The following MINDY4 variants were observed in gnomAD, a reference collection of about 807,000 sequenced individuals.
The protein encoded by MINDY4 is MINDY lysine 48 deubiquitinase 4.
In MINDY4, 68 loss-of-function variants were observed where a neutral mutation model predicts 87.0. The ratio of observed to expected loss-of-function variants is 0.78; its 90% CI spans 0.64 to 0.96. The LOEUF is 0.96. Ranked by LOEUF, MINDY4 falls within the 40% of genes least tolerant of loss-of-function variation. The pLI is 0.00. For missense variants in MINDY4, 919 were observed against 928.2 expected, an observed-to-expected ratio of 0.99 and a Z score of 0.13; for synonymous variants, 379 against 363.2, an observed-to-expected ratio of 1.04 and a Z score of -0.50.
chr7:30,826,186 C>A (rs1367857241), intron 5 of MINDY4, among the ~76,000 whole-genome samples: 1 of 152,224 alleles, frequency 6.6e-6, no homozygotes, highest in Non-Finnish European at 1.5e-5. Flanking sequence ...TTTGCAGAAT[C>A]TCTTTTGCCG....
Position 30,850,512 on chromosome 7 carries a change from A to G in MINDY4, c.1504A>G (p.Ile502Val), listed in dbSNP as rs538317906. The change falls in exon 10 of 18, where the codon ATT becomes GTT. Residue 502 changes from isoleucine (I) to valine (V), a missense_variant. Transcript: ENST00000265299. ...TRCLVLALAD[I>V]VWRAGGRERA... ...CTGCCTCGTCCTGGCCCTCGCAGAC[A>G]TTGTGTGGCGGGCAGGGGGCCGAGA... 6.3e-5 allele frequency: 102 copies of G among 1,612,190 alleles called. No homozygotes were observed. In the East Asian group the frequency reaches 1.9e-3, roughly 30 times the overall value.
intron 9 of MINDY4, among the ~76,000 whole-genome samples, chr7:30,844,645 G>A (rs542411498): frequency 3.9e-5 from 6 of 152,336 alleles, no homozygotes; most frequent in African/African-American, 1.4e-4. Context: ...CTGAAGGTCA[G>A]AGGCTACAGA....
intron 4 of MINDY4, 124 bp downstream of exon 4, chr7:30,786,116 G>C: frequency 7.5e-6 from 10 of 1,325,230 alleles, no homozygotes; most frequent in Non-Finnish European, 1.0e-5. Context: ...CTGTGTGTGG[G>C]GTGGGAAGAA....
chr7:30,802,673 A>T (rs1787691280), intron 5 of MINDY4, among the ~76,000 whole-genome samples: 1 of 152,232 alleles, frequency 6.6e-6, no homozygotes, highest in African/African-American at 2.4e-5. Context: ...CTTTCATATA[A>T]TTGAAACAAT....
intron 14 of MINDY4, among the ~76,000 whole-genome samples, chr7:30,872,542 G>C (rs3801326): frequency 0.21 from 32,338 of 152,200 alleles, 6,649 homozygotes; most frequent in African/African-American, 0.53. Context: ...GTGCACTGAT[G>C]TATGTGCTCA....
intron 5 of MINDY4, among the ~76,000 whole-genome samples, chr7:30,823,855 T>C (rs1232091108): frequency 6.6e-6 from 1 of 152,204 alleles, no homozygotes; most frequent in Non-Finnish European, 1.5e-5. Context: ...TTCTCTCTTC[T>C]AGGGAATCTT....
intron 13 of MINDY4, among the ~76,000 whole-genome samples, chr7:30,864,680 G>A (rs1789873816): frequency 6.6e-6 from 1 of 152,224 alleles, no homozygotes; most frequent in South Asian, 2.1e-4. Flanking sequence ...ACATATATAT[G>A]GACATGGGGT....
At chr7:30,836,826 A>G in intron 7 of MINDY4, 62 bp downstream of exon 7, 1 of 1,292,084 alleles carries the variant, frequency 7.7e-7, no homozygotes, top group Non-Finnish European at 1.1e-6. Flanking sequence ...AGATGGCGTG[A>G]TTTTGGTGTT....
rs371221478 is a variant in MINDY4, at chr7:30,875,495, G to A, written c.1810G>A (p.Glu604Lys). ...LIGAHGYCTQELVNLLLTGKA... is the reference protein window; with the variant it reads ...LIGAHGYCTQKLVNLLLTGKA... The stretch of plus-strand genomic sequence containing the variant: ...TCTTTCCCCTTTCTCTCATCTGCAG[G>A]AACTTGTCAATCTGCTCCTGACTGG... The change falls in exon 15 of 18, where the codon GAA becomes AAA. Residue 604 changes from glutamate to lysine, a missense_variant and splice_region_variant. Glu to Lys is a moderately conservative substitution (Grantham distance 56). Coordinates refer to ENST00000265299, the MANE Select transcript of MINDY4 (RefSeq NM_032222.3). The A allele has an allele frequency of 2.1e-5, 34 of 1,614,016 alleles. No individual in the cohort carries two copies. The highest frequency in any genetic ancestry group is 2.8e-5 in the Non-Finnish European group (33 of 1,180,030).
intron 5 of MINDY4, among the ~76,000 whole-genome samples, chr7:30,827,075 G>C (rs1055546986): frequency 6.6e-6 from 1 of 152,168 alleles, no homozygotes; most frequent in African/African-American, 2.4e-5. Flanking sequence ...AACCAGTTCG[G>C]AGCCTATTAA....
At chr7:30,868,021 G>A (rs1789992804) in intron 13 of MINDY4, among the ~76,000 whole-genome samples, 1 of 152,346 alleles carries the variant, frequency 6.6e-6, no homozygotes, top group Middle Eastern at 3.4e-3. Flanking sequence ...CCGAGTGGAC[G>A]CTGGTGTTAG....
chr7:30,793,381 T>G (rs990815433), intron 5 of MINDY4, among the ~76,000 whole-genome samples: 4 of 151,384 alleles, frequency 2.6e-5, no homozygotes, highest in African/African-American at 9.7e-5. Context: ...TATGTTAAAT[T>G]TTTTTTTCTA....
At chr7:30,785,699 C>T (rs564000826) in intron 3 of MINDY4, 50 bp from the exon 4 acceptor site, 3 of 1,603,268 alleles carry the variant, frequency 1.9e-6, no homozygotes, top group South Asian at 2.2e-5. Context: ...ATCTTTGTTA[C>T]TGATTCCTTT....
chr7:30,857,142 C>T (rs1008512639), intron 12 of MINDY4, among the ~76,000 whole-genome samples: 3 of 152,204 alleles, frequency 2.0e-5, no homozygotes, highest in Non-Finnish European at 2.9e-5. Flanking sequence ...GTCCTCAGGG[C>T]TCTGCTGTGC....
chr7:30,799,547 A>G (rs1271874293), intron 5 of MINDY4, among the ~76,000 whole-genome samples: 2 of 152,142 alleles, frequency 1.3e-5, no homozygotes, highest in African/African-American at 2.4e-5. Flanking sequence ...TTTGCCTATT[A>G]CTTGTTGAAT....
At position 30,841,632 on chromosome 7, in the gene MINDY4, T is replaced by C. The variant is rs1437368458; in HGVS notation, c.1445+784T>C. Among the ~76,000 whole-genome samples, 8 of 151,370 alleles carry C rather than the reference T, an allele frequency of 5.3e-5. No individual in the cohort carries two copies. In the East Asian group the frequency reaches 9.9e-4, roughly 19 times the overall value. ...TACAGAACTTCTGGCAATTGGCCTTTTTTAAAAAAAAAAAATTTAGTTAAA... is the reference window on the plus strand; with the variant it reads ...TACAGAACTTCTGGCAATTGGCCTTCTTTAAAAAAAAAAAATTTAGTTAAA... On this transcript the variant is annotated intron_variant, in intron 9 of 17. Coordinates refer to ENST00000265299, the MANE Select transcript of MINDY4 (RefSeq NM_032222.3).
chr7:30,887,508 G>A (rs1790666828), intron 17 of MINDY4, among the ~76,000 whole-genome samples: 1 of 152,136 alleles, frequency 6.6e-6, no homozygotes, highest in Non-Finnish European at 1.5e-5. Context: ...GAGGAATCAG[G>A]TGGTGGCAAG....
intron 3 of MINDY4, among the ~76,000 whole-genome samples, chr7:30,784,399 G>A (rs1350983587): frequency 6.6e-6 from 1 of 152,074 alleles, no homozygotes; most frequent in African/African-American, 2.4e-5. Context: ...CACCGGCGAG[G>A]GCCTCAGTTC....
chr7:30,813,199 A>C (rs891195001), intron 5 of MINDY4, among the ~76,000 whole-genome samples: 2 of 152,210 alleles, frequency 1.3e-5, no homozygotes, highest in Admixed American at 1.3e-4. Context: ...AGAGGGCTTC[A>C]TTCCGCCTCT....
Sources: gnomAD v4.1 joint callset for allele counts (sites outside exome capture counted in the v4.1 genomes callset) on GRCh38, gnomAD v4.1.1 for gene constraint, MANE v1.5 for transcripts, NCBI Gene and HGNC (gene_info 2026-07-23, HGNC 2026-07-21) for gene names.